The following SASH1 variants were observed in gnomAD, a reference collection of about 807,000 sequenced individuals.
The protein encoded by SASH1 is SAM and SH3 domain-containing protein 1.
A neutral mutation model predicts 125.2 loss-of-function variants in SASH1; 44 were observed. The ratio of observed to expected loss-of-function variants is 0.35; its 90% CI spans 0.28 to 0.45. The LOEUF is 0.45. Ranked by LOEUF, SASH1 falls within the 20% of genes least tolerant of loss-of-function variation. The pLI is 1.00. For synonymous variants in SASH1, 639 were observed against 649.1 expected (o/e 0.98, Z 0.24); for missense variants, 1,426 against 1,614.5 (o/e 0.88, Z 2.00).
intron 1 of SASH1, among the ~76,000 whole-genome samples, chr6:148,368,770 G>GCACACACACACACACACA (rs377455429): frequency 0.083 from 11,286 of 135,622 alleles, 525 homozygotes; most frequent in African/African-American, 0.1. Context: ...GCACGCGCGC[G>GCACACACACACACACACA]CACACACACA....
chr6:148,532,840 G>A lies in SASH1; in HGVS notation c.1608G>A (p.Arg536=), dbSNP rs752205482. 1 of 1,614,224 alleles carries A rather than the reference G, an allele frequency of 6.2e-7. No homozygotes were observed. The highest frequency in any genetic ancestry group is 8.5e-7 in the Non-Finnish European group (1 of 1,180,038). ...CCACTGATTCCTCAACCAGCAACCG[G>A]GAAAGCGTCAAGTCGGAAGATGGGG... The part of the protein sequence containing the change: ...VSTTDSSTSN[R]ESVKSEDGDD... Residue 536 remains arginine (R), a synonymous_variant, in exon 14 of 20, where the codon CGG becomes CGA. Coordinates refer to ENST00000367467, the MANE Select transcript of SASH1 (RefSeq NM_015278.5). This position sits in a 1 kb window ranked among gnomAD's most constrained non-coding sequence, Gnocchi z 4.7.
the SASH1 span, among the ~76,000 whole-genome samples, chr6:148,199,248 G>T: frequency 1.3e-5 from 2 of 152,092 alleles, 1 homozygote; most frequent in South Asian, 4.1e-4. Context: ...TGAGTATGGT[G>T]GTGGGTGCCC....
upstream of SASH1, among the ~76,000 whole-genome samples, chr6:148,270,988 CA>C (rs1779049040): frequency 6.6e-6 from 1 of 151,098 alleles, no homozygotes; most frequent in Non-Finnish European, 1.5e-5. Context: ...TGGCTCACTG[CA>C]ACCTCCGCCT....
the SASH1 span, among the ~76,000 whole-genome samples, chr6:148,217,171 T>C: frequency 2.0e-5 from 3 of 152,172 alleles, no homozygotes; most frequent in Non-Finnish European, 2.9e-5. Flanking sequence ...TACACACTGC[T>C]TATTATGGAC....
At chr6:148,293,004 A>G (rs1284344420) in intron 1 of SASH1, among the ~76,000 whole-genome samples, 1 of 151,874 alleles carries the variant, frequency 6.6e-6, no homozygotes, top group Admixed American at 6.6e-5. Context: ...ATGAGTCGAG[A>G]TCGCACCACC....
intron 1 of SASH1, among the ~76,000 whole-genome samples, chr6:148,326,414 C>T (rs12661197): frequency 0.014 from 1,198 of 83,790 alleles, 1 homozygote; most frequent in East Asian, 0.023. Context: ...CTTTTCTTTT[C>T]TTTTTTTTGA....
chr6:148,344,789 T>C (rs1199334027), intron 1 of SASH1, among the ~76,000 whole-genome samples: 1 of 151,216 alleles, frequency 6.6e-6, no homozygotes, highest in Non-Finnish European at 1.5e-5. Flanking sequence ...GAAGTCTTGC[T>C]CCGTCGCCCA....
chr6:148,202,440 G>A, the SASH1 span, among the ~76,000 whole-genome samples: 2 of 152,108 alleles, frequency 1.3e-5, no homozygotes, highest in African/African-American at 4.8e-5. Flanking sequence ...ATCACCCCAG[G>A]TCTGCCCTCC....
At chr6:148,423,025 G>A (rs1192074536) in intron 2 of SASH1, among the ~76,000 whole-genome samples, 2 of 152,108 alleles carry the variant, frequency 1.3e-5, no homozygotes, top group African/African-American at 4.8e-5. Context: ...TGCAACCTCT[G>A]CCTCCCAGGT....
At chr6:148,508,871 G>A (rs1302695670) in intron 8 of SASH1, 34 of 1,285,978 alleles carry the variant, frequency 2.6e-5, no homozygotes, top group Middle Eastern at 2.1e-4. Flanking sequence ...GCTAAATGCC[G>A]AAGCCGGTAA....
chr6:148,224,942 G>A, the SASH1 span, among the ~76,000 whole-genome samples: 28 of 152,290 alleles, frequency 1.8e-4, no homozygotes, highest in African/African-American at 4.8e-4. Flanking sequence ...GTGACCCATC[G>A]TGGCTCCACA....
intron 4 of SASH1, 163 bp downstream of exon 4, chr6:148,440,570 A>G: frequency 1.6e-6 from 1 of 630,414 alleles, no homozygotes; most frequent in Non-Finnish European, 2.8e-6. Flanking sequence ...TAGGTGGCTA[A>G]GAGTGTGTTT....
chr6:148,316,136 A>G (rs1446945704), intron 1 of SASH1, among the ~76,000 whole-genome samples: 3 of 152,202 alleles, frequency 2.0e-5, no homozygotes, highest in Non-Finnish European at 4.4e-5. Flanking sequence ...TATTTTTCCA[A>G]ATGATTTACT....
At chr6:148,541,317 C>A (rs182398415) in intron 17 of SASH1, among the ~76,000 whole-genome samples, 117 of 151,324 alleles carry the variant, frequency 7.7e-4, no homozygotes, top group African/African-American at 2.8e-3. Flanking sequence ...TTACTGAGCA[C>A]CTACTAAAGC....
chr6:148,388,444 A>G (rs1783570437), intron 1 of SASH1, among the ~76,000 whole-genome samples: 1 of 152,212 alleles, frequency 6.6e-6, no homozygotes, highest in African/African-American at 2.4e-5. Context: ...GACTGATTGT[A>G]GTGAAGGGGT....
chr6:148,202,463 G>T, the SASH1 span, among the ~76,000 whole-genome samples: 1 of 152,160 alleles, frequency 6.6e-6, no homozygotes, highest in African/African-American at 2.4e-5. Context: ...GAGCCCTGGT[G>T]GGCTGGTCTA....
chr6:148,503,935 A>G (rs142472016), intron 8 of SASH1, among the ~76,000 whole-genome samples: 4,466 of 152,252 alleles, frequency 0.029, 79 homozygotes, highest in Non-Finnish European at 0.045. Flanking sequence ...GCATTCTCCA[A>G]ATTTTTAATA....
At chr6:148,357,885 C>A (rs2114691669) in intron 1 of SASH1, among the ~76,000 whole-genome samples, 1 of 151,882 alleles carries the variant, frequency 6.6e-6, no homozygotes, top group Non-Finnish European at 1.5e-5. Flanking sequence ...TATGATGAAA[C>A]CCCGTCTCTA....
intron 4 of SASH1, among the ~76,000 whole-genome samples, chr6:148,463,102 G>C (rs11155572): frequency 0.24 from 36,361 of 151,926 alleles, 4,721 homozygotes; most frequent in Middle Eastern, 0.36. Flanking sequence ...AAGAAAATAT[G>C]GCAACCTAGA....
Sources: gnomAD v4.1 joint callset for allele counts (sites outside exome capture counted in the v4.1 genomes callset) on GRCh38, gnomAD v4.1.1 for gene constraint, Gnocchi (gnomAD v3.1) non-coding constraint, MANE v1.5 for transcripts, NCBI Gene and HGNC (gene_info 2026-07-23, HGNC 2026-07-21) for gene names.